The following MORC1 variants were observed in gnomAD, a reference collection of about 807,000 sequenced individuals.
The protein encoded by MORC1 is MORC family CW-type zinc finger 1.
A neutral mutation model predicts 134.9 loss-of-function variants in MORC1; 59 were observed. The observed-to-expected ratio is 0.44, with a 90% CI of 0.35 to 0.54. The LOEUF (loss-of-function observed/expected upper bound fraction) is 0.54. Ranked by LOEUF, MORC1 falls within the 20% of genes least tolerant of loss-of-function variation. The pLI, the probability that MORC1 is intolerant of heterozygous loss-of-function variation, is 0.00. For synonymous variants in MORC1, 395 were observed against 391.7 expected (o/e 1.01, Z -0.10); for missense variants, 947 against 1,134.5 (o/e 0.83, Z 2.37).
chr3:109,049,618 T>C (rs1949774444), intron 14 of MORC1, among the ~76,000 whole-genome samples: 1 of 152,192 alleles, frequency 6.6e-6, no homozygotes, highest in Admixed American at 6.5e-5. Context: ...AAATGTATGA[T>C]TCTACACTAG....
chr3:108,960,798 T>C (rs1947059765), intron 27 of MORC1, among the ~76,000 whole-genome samples: 1 of 152,098 alleles, frequency 6.6e-6, no homozygotes, highest in Admixed American at 6.6e-5. Flanking sequence ...TCCTTCTGAC[T>C]TCTTTTTAAA....
intron 8 of MORC1, among the ~76,000 whole-genome samples, chr3:109,083,354 A>G (rs1304714422): frequency 6.6e-6 from 1 of 152,146 alleles, no homozygotes; most frequent in African/African-American, 2.4e-5. Context: ...CACTGGTAAA[A>G]TTAATTACAT....
At chr3:109,000,686 A>G (rs1328586004) in intron 20 of MORC1, 28 bp from the exon 21 acceptor site, 6 of 1,551,292 alleles carry the variant, frequency 3.9e-6, no homozygotes, top group Admixed American at 1.7e-5. Context: ...CAAAAAAAAT[A>G]CAAGGATTAG....
chr3:109,011,630 T>C, intron 17 of MORC1, among the ~76,000 whole-genome samples: 1 of 151,916 alleles, frequency 6.6e-6, no homozygotes, highest in Non-Finnish European at 1.5e-5. Flanking sequence ...CAAGCAATTC[T>C]ACTGCTTCAG....
chr3:108,977,564 C>T (rs144552835), intron 24 of MORC1, among the ~76,000 whole-genome samples: 293 of 152,024 alleles, frequency 1.9e-3, no homozygotes, highest in African/African-American at 6.8e-3. Context: ...TAGTAATGTC[C>T]GAATAATTGA....
At chr3:108,970,040 G>A (rs558430497) in intron 25 of MORC1, among the ~76,000 whole-genome samples, 7 of 152,124 alleles carry the variant, frequency 4.6e-5, no homozygotes, top group African/African-American at 7.2e-5. Context: ...TGTCGAGAGC[G>A]CAGCTGGAGT....
Position 109,103,232 on chromosome 3 carries a change from C to T in MORC1, c.223+617G>A, listed in dbSNP as rs180982804. 2.0e-5 allele frequency among the ~76,000 whole-genome samples: 3 copies of T among 152,286 alleles called. No individual in the cohort carries two copies. The East Asian group carries it at 5.8e-4, about 29-fold the overall frequency. On this transcript the variant is annotated intron_variant, in intron 4 of 27. Transcript: ENST00000232603. ...ACAATACCTAAAACAACCCAATGCCCTCAGATGGAATCACATTTCAATTTC... is the reference window on the plus strand; with the variant it reads ...ACAATACCTAAAACAACCCAATGCCTTCAGATGGAATCACATTTCAATTTC...
intron 17 of MORC1, chr3:109,018,939 C>G (rs1948889755): frequency 6.6e-6 from 1 of 152,100 alleles, no homozygotes; most frequent in African/African-American, 2.4e-5. Flanking sequence ...CTATTCCTCT[C>G]CCAAAGGAAG....
At chr3:109,012,317 T>C (rs143342681) in intron 17 of MORC1, among the ~76,000 whole-genome samples, 139 of 152,334 alleles carry the variant, frequency 9.1e-4, no homozygotes, top group African/African-American at 3.2e-3. Flanking sequence ...TTGTCTCTTT[T>C]TACACCAATA....
At chr3:109,113,448 C>A (rs1951209709) in intron 2 of MORC1, among the ~76,000 whole-genome samples, 1 of 152,128 alleles carries the variant, frequency 6.6e-6, no homozygotes, top group South Asian at 2.1e-4. Flanking sequence ...TCAGAAGGGT[C>A]ATCTCCCATC....
At chr3:109,086,614 G>C (rs1426135375) in intron 8 of MORC1, among the ~76,000 whole-genome samples, 1 of 151,948 alleles carries the variant, frequency 6.6e-6, no homozygotes, top group Non-Finnish European at 1.5e-5. Context: ...AGAATCAACA[G>C]TAAATAAATA....
intron 14 of MORC1, 23 bp from the exon 15 acceptor site, chr3:109,035,491 AAGAATAAC>A (rs1291977859): frequency 2.2e-6 from 3 of 1,354,362 alleles, no homozygotes; most frequent in Non-Finnish European, 3.0e-6. Context: ...AAAGCAGGCA[AAGAATAAC>A]AAAAAAAAAT....
chr3:109,009,293 C>A (rs1479487997), intron 17 of MORC1, among the ~76,000 whole-genome samples: 2 of 151,386 alleles, frequency 1.3e-5, no homozygotes, highest in Non-Finnish European at 2.9e-5. Context: ...GCAACCTCCA[C>A]CTCCTGGGTT....
chr3:109,025,655 T>TTACAGG (rs1388693182), intron 17 of MORC1, among the ~76,000 whole-genome samples: 1 of 152,140 alleles, frequency 6.6e-6, no homozygotes, highest in African/African-American at 2.4e-5. Context: ...AGTGCTGGGA[T>TTACAGG]TACAGGTGTG....
chr3:109,045,238 T>C (rs766997279), intron 14 of MORC1, among the ~76,000 whole-genome samples: 14 of 152,198 alleles, frequency 9.2e-5, no homozygotes, highest in Non-Finnish European at 1.8e-4. Context: ...AAAGATCTCC[T>C]GAGATCGAAA....
At chr3:109,043,529 A>G (rs917260830) in intron 14 of MORC1, among the ~76,000 whole-genome samples, 1 of 152,138 alleles carries the variant, frequency 6.6e-6, no homozygotes, top group Non-Finnish European at 1.5e-5. Context: ...AACATTACTC[A>G]ACTGTACACT....
rs1197234835 is a variant in MORC1, at chr3:109,117,976, A to AC, written c.65+18dup. ...GGCGCAGAGACCCTCCCCGACCCCG[A>AC]CCCCACCTCGGCACTCACGAGTTGG... On this transcript the variant is annotated intron_variant, in intron 1 of 27. Coordinates refer to ENST00000232603, the MANE Select transcript of MORC1 (RefSeq NM_014429.4). 1.9e-6 allele frequency: 3 copies of AC among 1,578,804 alleles called. No homozygotes were observed. The highest frequency in any genetic ancestry group is 2.6e-6 in the Non-Finnish European group (3 of 1,161,194).
In MORC1 at chr3:109,068,574, G is replaced by GTA. The variant is rs530670215; in HGVS notation, c.815+1056_815+1057dup. ...ACTGCTGAGTAGCATTCCATTGTGT[G>GTA]TATATATATATACCACAGTGTCTTT... is the stretch of plus-strand genomic sequence containing the variant. On this transcript the variant is annotated intron_variant, in intron 9 of 27. Transcript: ENST00000232603. Among the ~76,000 whole-genome samples the GTA allele has an allele frequency of 1.1e-3, 165 of 151,958 alleles. 1 individual carries two copies. Among genetic ancestry groups the GTA allele is most frequent in the African/African-American group, 3.6e-3 (149 of 41,446 alleles).
At chr3:108,975,618 A>G (rs1401634684) in intron 24 of MORC1, among the ~76,000 whole-genome samples, 1 of 152,142 alleles carries the variant, frequency 6.6e-6, no homozygotes, top group Non-Finnish European at 1.5e-5. Context: ...CTTATCCTCT[A>G]CATGTCTCAG....
Sources: allele counts gnomAD v4.1 joint callset (sites outside exome capture counted in the v4.1 genomes callset), GRCh38; gene constraint gnomAD v4.1.1; transcripts MANE v1.5; gene names NCBI Gene and HGNC (gene_info 2026-07-23, HGNC 2026-07-21).